SBF2: variants seen among roughly 807,000 people sequenced by gnomAD.
SBF2 encodes SET binding factor 2.
A neutral mutation model predicts 225.2 loss-of-function variants in SBF2; 112 were observed. The observed-to-expected ratio is 0.50, with a 90% confidence interval of 0.43 to 0.58. The LOEUF (loss-of-function observed/expected upper bound fraction) is 0.58. SBF2 is among the 20% of genes least tolerant of loss of function. SBF2 has a pLI of 0.00. For missense variants in SBF2, 1,996 were observed against 2,206.2 expected (o/e 0.90, Z 1.91); for synonymous variants, 763 against 773.3 (o/e 0.99, Z 0.22).
At chr11:9,903,673 C>T (rs1861903858) in intron 16 of SBF2, among the ~76,000 whole-genome samples, 1 of 152,204 alleles carries the variant, frequency 6.6e-6, no homozygotes, top group African/African-American at 2.4e-5. Flanking sequence ...CCATTTTAAC[C>T]TTGATCCTAG....
In SBF2 at chr11:9,859,345, A is replaced by G. The variant is rs142792650; in HGVS notation, c.1930-949T>C. ...CTTGGAACCTCTGAAAAAAACTTGT[A>G]TAACATTGCATTTTAAATTTTAATG... On this transcript the variant is annotated intron_variant, in intron 17 of 39. Coordinates refer to ENST00000256190, the MANE Select transcript of SBF2 (RefSeq NM_030962.4). 3.9e-5 allele frequency among the ~76,000 whole-genome samples: 6 copies of G among 152,362 alleles called. No homozygotes were observed. In the East Asian group the frequency reaches 9.6e-4, roughly 24 times the overall value.
chr11:9,869,957 C>G (rs1381938071), intron 17 of SBF2, among the ~76,000 whole-genome samples: 1 of 152,278 alleles, frequency 6.6e-6, no homozygotes, highest in South Asian at 2.1e-4. Flanking sequence ...GAAAACCCCA[C>G]TGTCTCAGCC....
intron 17 of SBF2, among the ~76,000 whole-genome samples, chr11:9,894,770 C>T (rs2134130736): frequency 6.6e-6 from 1 of 152,184 alleles, no homozygotes; most frequent in East Asian, 1.9e-4. Flanking sequence ...CACCTGAGGT[C>T]AGGAGTTTGA....
chr11:9,850,177 A>C lies in SBF2; in HGVS notation c.2652T>G (p.Ile884Met). 6.2e-7 allele frequency: 1 copy of C among 1,613,922 alleles called. No individual in the cohort carries two copies. The highest frequency in any genetic ancestry group is 8.5e-7 in the Non-Finnish European group (1 of 1,180,016). Residue 884 changes from isoleucine to methionine, a missense_variant, in exon 22 of 40, where the codon ATT becomes ATG. Physicochemically the swap from Ile to Met is conservative, Grantham distance 10 (BLOSUM62 1). Coordinates refer to ENST00000256190, the MANE Select transcript of SBF2 (RefSeq NM_030962.4). ...LRPALLPGEE[I>M]VCEGLRVLLD... The stretch of plus-strand genomic sequence containing the variant: ...GCAAGACTCGAAGACCCTCACAGAC[A>C]ATTTCTTCTCCTGGCAGCAGAGCAG...
At chr11:9,948,287 A>G (rs1865676516) in intron 16 of SBF2, among the ~76,000 whole-genome samples, 2 of 152,048 alleles carry the variant, frequency 1.3e-5, no homozygotes, top group South Asian at 4.1e-4. Context: ...TTATCGTTTA[A>G]TAGATAGGAA....
intron 16 of SBF2, among the ~76,000 whole-genome samples, chr11:9,933,569 T>C (rs1373370728): frequency 1.3e-5 from 2 of 152,086 alleles, no homozygotes; most frequent in Non-Finnish European, 1.5e-5. Flanking sequence ...ACTGGGTACA[T>C]AACGAAATGA....
chr11:9,783,737 C>T (rs577315122), intron 38 of SBF2, among the ~76,000 whole-genome samples: 18 of 152,342 alleles, frequency 1.2e-4, no homozygotes, highest in African/African-American at 3.4e-4. Flanking sequence ...TACTTGCCCA[C>T]GGTGAATTCC....
intron 2 of SBF2, among the ~76,000 whole-genome samples, chr11:10,128,127 G>GA (rs1953847538): frequency 2.6e-5 from 4 of 152,186 alleles, no homozygotes; most frequent in Admixed American, 2.6e-4. Flanking sequence ...AATTATAAAT[G>GA]AAACTCGATT....
chr11:10,112,620 T>C (rs1952930831), intron 2 of SBF2, among the ~76,000 whole-genome samples: 1 of 152,168 alleles, frequency 6.6e-6, no homozygotes, highest in Non-Finnish European at 1.5e-5. Flanking sequence ...CTTTAATAAG[T>C]CAGTTAGCAA....
chr11:9,940,825 A>G (rs1215709446), intron 16 of SBF2, among the ~76,000 whole-genome samples: 1 of 152,180 alleles, frequency 6.6e-6, no homozygotes, highest in Non-Finnish European at 1.5e-5. Flanking sequence ...AATGGAAATA[A>G]TAAAGATAGA....
At chr11:10,048,715 T>C (rs1949961484) in intron 2 of SBF2, among the ~76,000 whole-genome samples, 2 of 152,206 alleles carry the variant, frequency 1.3e-5, no homozygotes, top group Non-Finnish European at 2.9e-5. Context: ...CTATGACAAA[T>C]ATTATCATAC....
chr11:10,167,889 G>A (rs1329506974), intron 2 of SBF2, among the ~76,000 whole-genome samples: 4 of 152,124 alleles, frequency 2.6e-5, no homozygotes, highest in East Asian at 3.9e-4. Flanking sequence ...GTGGTGGCAC[G>A]TGCCTGTAAT....
Position 9,932,183 on chromosome 11 carries a change from T to C in SBF2, c.1860+29774A>G, listed in dbSNP as rs539125568. On this transcript the variant is annotated intron_variant, in intron 16 of 39. Coordinates refer to ENST00000256190, the MANE Select transcript of SBF2 (RefSeq NM_030962.4). ...GTGTACCTGAAAGTGATGGGGAAAATGGAACCAAGTTGGAAAACACTCTTC... is the reference window on the plus strand; with the variant it reads ...GTGTACCTGAAAGTGATGGGGAAAACGGAACCAAGTTGGAAAACACTCTTC... Among the ~76,000 whole-genome samples the C allele has an allele frequency of 2.0e-5, 3 of 151,924 alleles. No individual in the cohort carries two copies. In the South Asian group the frequency reaches 6.3e-4, roughly 32 times the overall value.
chr11:9,830,612 C>T (rs1170345409), intron 27 of SBF2, among the ~76,000 whole-genome samples: 1 of 151,314 alleles, frequency 6.6e-6, no homozygotes, highest in Non-Finnish European at 1.5e-5. Context: ...TAGTGGCGGG[C>T]GCCTGTAATC....
intron 17 of SBF2, among the ~76,000 whole-genome samples, chr11:9,876,531 CCT>C (rs1370449316): frequency 6.6e-6 from 1 of 152,028 alleles, no homozygotes; most frequent in Non-Finnish European, 1.5e-5. Flanking sequence ...TCTCTCTCTC[CCT>C]CTCTCCCCAC....
intron 16 of SBF2, among the ~76,000 whole-genome samples, chr11:9,943,946 CTG>C (rs1865425413): frequency 1.3e-5 from 2 of 152,316 alleles, no homozygotes; most frequent in South Asian, 2.1e-4. Context: ...CATTACAACA[CTG>C]TGTTTAGTTA....
chr11:9,971,305 ATATATATATTTTTCTC>A (rs1410616111), intron 13 of SBF2, among the ~76,000 whole-genome samples: 10 of 152,066 alleles, frequency 6.6e-5, no homozygotes, highest in African/African-American at 2.4e-4. Context: ...TTCTAGTTAT[ATATATATATTTTTCTC>A]TATTGTTATA....
chr11:9,970,662 T>A (rs1867273505), intron 13 of SBF2, among the ~76,000 whole-genome samples: 1 of 152,154 alleles, frequency 6.6e-6, no homozygotes, highest in Admixed American at 6.5e-5. Context: ...AACACATGGG[T>A]TCCAGTTCTT....
chr11:10,113,045 G>C (rs1565243273), intron 2 of SBF2, among the ~76,000 whole-genome samples: 1 of 151,896 alleles, frequency 6.6e-6, no homozygotes, highest in Non-Finnish European at 1.5e-5. Flanking sequence ...CCAGGCTGTA[G>C]GGCAGTGGAT....
Sources: gnomAD v4.1 joint callset for allele counts (sites outside exome capture counted in the v4.1 genomes callset) on GRCh38, gnomAD v4.1.1 for gene constraint, MANE v1.5 for transcripts, NCBI Gene and HGNC (gene_info 2026-07-23, HGNC 2026-07-21) for gene names.